The following NARS2 variants were observed in gnomAD, a reference collection of about 807,000 sequenced individuals.
The protein encoded by NARS2 is asparaginyl-tRNA synthetase.
NARS2 carries 60 observed loss-of-function variants against 62.9 expected under a neutral mutation model. The observed-to-expected ratio is 0.95, with a 90% CI of 0.77 to 1.18. The LOEUF is 1.18. Among genes scored for constraint, NARS2 ranks in the 50% most tolerant of loss-of-function variants. NARS2 has a pLI of 0.00. For synonymous variants in NARS2, 196 were observed against 200.0 expected (o/e 0.98, Z 0.17); for missense variants, 619 against 576.4 (o/e 1.07, Z -0.76).
intron 11 of NARS2, among the ~76,000 whole-genome samples, chr11:78,446,036 T>A (rs1857748528): frequency 6.6e-6 from 1 of 152,184 alleles, no homozygotes; most frequent in African/African-American, 2.4e-5. Context: ...TAGACATTTT[T>A]AAGCCCAAGA....
intron 11 of NARS2, among the ~76,000 whole-genome samples, chr11:78,456,399 G>T (rs1441240600): frequency 6.6e-6 from 1 of 152,122 alleles, no homozygotes. Flanking sequence ...AGACTGAAAT[G>T]GATACTTTCA....
intron 7 of NARS2, among the ~76,000 whole-genome samples, chr11:78,482,584 C>T (rs1276841689): frequency 6.6e-6 from 1 of 152,154 alleles, no homozygotes; most frequent in African/African-American, 2.4e-5. Flanking sequence ...CATAGAAATA[C>T]AAACTACCAT....
intron 5 of NARS2, among the ~76,000 whole-genome samples, chr11:78,551,861 C>CA (rs886096528): frequency 5.3e-5 from 8 of 150,980 alleles, no homozygotes; most frequent in Non-Finnish European, 7.4e-5. Context: ...CAAAAAAAAA[C>CA]AAAAAACAAA....
chr11:78,563,681 A>C (rs1856627115), intron 4 of NARS2, among the ~76,000 whole-genome samples: 1 of 148,168 alleles, frequency 6.7e-6, no homozygotes, highest in Non-Finnish European at 1.5e-5. Context: ...AAATACAAAA[A>C]TTAGCTGGGT....
chr11:78,508,646 T>C (rs1034696916), intron 6 of NARS2, among the ~76,000 whole-genome samples: 1 of 151,742 alleles, frequency 6.6e-6, no homozygotes, highest in African/African-American at 2.4e-5. Context: ...CTGAAAACTT[T>C]CCAAATCTGA....
chr11:78,448,711 A>C (rs1857852823), intron 11 of NARS2, among the ~76,000 whole-genome samples: 1 of 152,218 alleles, frequency 6.6e-6, no homozygotes, highest in Admixed American at 6.5e-5. Flanking sequence ...ACTATGGAAT[A>C]ACCGGAAGGA....
At chr11:78,537,522 T>TA (rs1477355873) in intron 5 of NARS2, among the ~76,000 whole-genome samples, 18 of 152,314 alleles carry the variant, frequency 1.2e-4, no homozygotes, top group Non-Finnish European at 2.1e-4. Flanking sequence ...AGGGGCCAGG[T>TA]ATAGTGGCTC....
In NARS2 at chr11:78,500,785, T is replaced by C. The variant is rs567304301; in HGVS notation, c.690-7590A>G. ...CTAAAATTGATAAATTAAAATTATGTTTGTGTTACTTAAAAATAATGACAA... is the reference window on the plus strand; with the variant it reads ...CTAAAATTGATAAATTAAAATTATGCTTGTGTTACTTAAAAATAATGACAA... On this transcript the variant is annotated intron_variant, in intron 6 of 13. Transcript: ENST00000281038. Among the ~76,000 whole-genome samples, 3 of 152,322 alleles carry C rather than the reference T, an allele frequency of 2.0e-5. No homozygotes were observed. In the South Asian group the frequency reaches 6.2e-4, roughly 32 times the overall value.
intron 4 of NARS2, among the ~76,000 whole-genome samples, chr11:78,565,565 G>C (rs1337382720): frequency 6.6e-6 from 1 of 152,154 alleles, no homozygotes; most frequent in Admixed American, 6.5e-5. Context: ...AGTCTGGAGA[G>C]ACCCAAGTGG....
intron 11 of NARS2, among the ~76,000 whole-genome samples, chr11:78,445,680 T>C (rs1857734351): frequency 6.6e-6 from 1 of 152,176 alleles, no homozygotes; most frequent in Non-Finnish European, 1.5e-5. Flanking sequence ...CTGGGCACAG[T>C]GGCATGTGCT....
At chr11:78,438,164 T>C (rs1056227019) in intron 13 of NARS2, among the ~76,000 whole-genome samples, 2 of 152,076 alleles carry the variant, frequency 1.3e-5, no homozygotes, top group South Asian at 4.1e-4. Flanking sequence ...CTACATATAC[T>C]GGTATTGCAA....
intron 5 of NARS2, among the ~76,000 whole-genome samples, chr11:78,557,884 C>A (rs1416379281): frequency 3.4e-5 from 5 of 149,016 alleles, no homozygotes; most frequent in Non-Finnish European, 5.9e-5. Context: ...ATGGGATTTC[C>A]CTGGTAGCAA....
At chr11:78,489,900 T>A (rs932522533) in intron 7 of NARS2, among the ~76,000 whole-genome samples, 2 of 151,800 alleles carry the variant, frequency 1.3e-5, no homozygotes, top group African/African-American at 4.8e-5. Context: ...ATAAAAAATT[T>A]AAAAAATAGC....
chr11:78,542,882 G>A (rs1353741704), intron 5 of NARS2, among the ~76,000 whole-genome samples: 1 of 152,220 alleles, frequency 6.6e-6, no homozygotes, highest in Non-Finnish European at 1.5e-5. Context: ...TCCCAACAGG[G>A]CGACAGAGCG....
intron 6 of NARS2, among the ~76,000 whole-genome samples, chr11:78,521,921 G>C (rs1040753070): frequency 6.6e-6 from 1 of 151,848 alleles, no homozygotes; most frequent in African/African-American, 2.4e-5. Flanking sequence ...AATGATAAAG[G>C]TATTTCATAG....
At chr11:78,442,912 C>T (rs1170921918) in intron 12 of NARS2, among the ~76,000 whole-genome samples, 1 of 152,220 alleles carries the variant, frequency 6.6e-6, no homozygotes, top group African/African-American at 2.4e-5. Flanking sequence ...TAAATGCTAT[C>T]TGACTAGTTT....
intron 2 of NARS2, among the ~76,000 whole-genome samples, chr11:78,569,096 G>A (rs191194866): frequency 8.5e-5 from 13 of 152,144 alleles, no homozygotes; most frequent in Admixed American, 3.3e-4. Flanking sequence ...AAAATTTGCC[G>A]GGAATTCTCT....
At chr11:78,526,599 G>A (rs543648177) in intron 6 of NARS2, among the ~76,000 whole-genome samples, 15 of 152,242 alleles carry the variant, frequency 9.9e-5, no homozygotes, top group Middle Eastern at 6.8e-3. Flanking sequence ...TTGAATGACA[G>A]TAGTACAAAT....
At chr11:78,439,681 T>C (rs1857516281) in intron 13 of NARS2, among the ~76,000 whole-genome samples, 1 of 152,142 alleles carries the variant, frequency 6.6e-6, no homozygotes, top group South Asian at 2.1e-4. Context: ...AAGCCAATTT[T>C]AGATTTTTTT....
Sources: gnomAD v4.1 joint callset for allele counts (sites outside exome capture counted in the v4.1 genomes callset) on GRCh38, gnomAD v4.1.1 for gene constraint, MANE v1.5 for transcripts, NCBI Gene and HGNC (gene_info 2026-07-23, HGNC 2026-07-21) for gene names.